SLC22A11: variants seen among roughly 807,000 people sequenced by gnomAD.
SLC22A11 encodes the protein organic anion transporter 4.
Under a neutral mutation model 49.4 loss-of-function variants are expected in SLC22A11, and 42 were observed. The ratio of observed to expected loss-of-function variants is 0.85; its 90% CI spans 0.66 to 1.10. The LOEUF (loss-of-function observed/expected upper bound fraction) is 1.10, where lower values mean the gene tolerates loss of function less well. Ranked by LOEUF, SLC22A11 falls within the 50% of genes least tolerant of loss-of-function variation. The pLI, the probability that SLC22A11 is intolerant of heterozygous loss-of-function variation, is 0.00. For missense variants in SLC22A11, 685 were observed against 731.6 expected (o/e 0.94, Z 0.74); for synonymous variants, 304 against 315.8 (o/e 0.96, Z 0.40).
At chr11:64,566,481 T>C (rs1324615234) in intron 6 of SLC22A11, 1 of 151,518 alleles carries the variant, frequency 6.6e-6, no homozygotes, top group African/African-American at 2.4e-5. Context: ...GACCAGTTTT[T>C]TTTTTTAAAA....
At chr11:64,569,552 T>C (rs1194375015) in intron 8 of SLC22A11, 100 bp from the exon 9 acceptor site, 2 of 1,291,260 alleles carry the variant, frequency 1.5e-6, no homozygotes, top group Non-Finnish European at 2.2e-6. Context: ...GGCAATTCCC[T>C]CAGCCCAGCT....
intron 1 of SLC22A11, 48 bp from the exon 2 acceptor site, chr11:64,559,087 T>G (rs907628875): frequency 8.5e-6 from 13 of 1,536,728 alleles, no homozygotes; most frequent in Non-Finnish European, 1.2e-5. Context: ...TGCCCAGCCC[T>G]GTGATTTCAT....
At chr11:64,569,507 G>C in intron 8 of SLC22A11, 145 bp from the exon 9 acceptor site, 1 of 788,564 alleles carries the variant, frequency 1.3e-6, no homozygotes, top group Non-Finnish European at 2.0e-6. Flanking sequence ...GGTGGGCTCC[G>C]TGGAGGAGGT....
chr11:64,562,285 C>T lies in SLC22A11; in HGVS notation c.671C>T (p.Thr224Ile). 1 of 1,606,094 alleles carries T rather than the reference C, an allele frequency of 6.2e-7. No homozygotes were observed. Among genetic ancestry groups the T allele is most frequent in the African/African-American group, 1.3e-5 (1 of 74,880 alleles). ...SLTLMVEWTT[T>I]SRRAVTMTVV... ...CCTTCAGTGGTGGAGTGGACCACGACCAGCAGGAGGGCGGTCACCATGACG... is the reference window on the plus strand; with the variant it reads ...CCTTCAGTGGTGGAGTGGACCACGATCAGCAGGAGGGCGGTCACCATGACG... Residue 224 changes from threonine to isoleucine, a missense_variant, in exon 4 of 10, where the codon ACC becomes ATC. Transcript: ENST00000301891. This position sits in a 1 kb window ranked among gnomAD's most constrained non-coding sequence, Gnocchi z 4.4.
chr11:64,569,561 C>G, intron 8 of SLC22A11, 91 bp from the exon 9 acceptor site: 1 of 1,381,474 alleles, frequency 7.2e-7, no homozygotes, highest in Non-Finnish European at 1.0e-6. Context: ...CTCAGCCCAG[C>G]TTTCCTTCCC....
chr11:64,567,281 G>C (rs2038637580), intron 6 of SLC22A11, among the ~76,000 whole-genome samples: 1 of 152,236 alleles, frequency 6.6e-6, no homozygotes, highest in Non-Finnish European at 1.5e-5. Flanking sequence ...CCGGAAGTGA[G>C]GGGCAGCTCA....
At chr11:64,561,509 C>T (rs995423689) in intron 2 of SLC22A11, among the ~76,000 whole-genome samples, 3 of 152,108 alleles carry the variant, frequency 2.0e-5, no homozygotes, top group East Asian at 1.9e-4. Flanking sequence ...AGTGCAGAGG[C>T]GTGATCATAC....
rs574045079 is a variant in SLC22A11 at position 64,567,754 on chromosome 11, A to T, written c.1214A>T (p.Gln405Leu). The T allele has an allele frequency of 3.1e-6, 5 of 1,612,950 alleles. No homozygotes were observed. In the Admixed American group the frequency reaches 8.3e-5, roughly 27 times the overall value. ...AGTTTCCTTGGCCGCCGCACCATCC[A>T]GGCGGGTTCCCAGGCCATGGCCGGC... Reference protein sequence around the residue: ...LLSFLGRRTIQAGSQAMAGLA... With the variant: ...LLSFLGRRTILAGSQAMAGLA... The change falls in exon 7 of 10, where the codon CAG (glutamine) becomes CTG (leucine). Residue 405 changes from glutamine (Q) to leucine (L), a missense_variant. By Grantham distance (113) the Gln-to-Leu change is moderately radical. Transcript: ENST00000301891.
chr11:64,562,019 G>C lies in SLC22A11; in HGVS notation c.513G>C (p.Pro171=). The C allele has an allele frequency of 1.2e-6, 2 of 1,613,076 alleles. No individual in the cohort carries two copies. Among genetic ancestry groups the C allele is most frequent in the Non-Finnish European group, 1.7e-6 (2 of 1,179,732 alleles). The change falls in exon 3 of 10, where the codon CCG becomes CCC. Residue 171 remains proline (P), a synonymous_variant. Transcript: ENST00000301891. This position sits in a 1 kb window ranked among gnomAD's most constrained non-coding sequence, Gnocchi z 4.4. ...GLLSYRFGRK[P]MLSWCCLQLA... ...CCTGTGACAGGTTTGGGAGGAAGCC[G>C]ATGCTGAGCTGGTGCTGCCTGCAGT...
chr11:64,556,954 A>G (rs948230412), intron 1 of SLC22A11, among the ~76,000 whole-genome samples: 9 of 152,214 alleles, frequency 5.9e-5, no homozygotes, highest in Non-Finnish European at 1.3e-4. Context: ...TTGGCCAAGC[A>G]AAGCATTCTG....
intron 8 of SLC22A11, 110 bp from the exon 9 acceptor site, chr11:64,569,542 G>A: frequency 1.7e-6 from 2 of 1,167,212 alleles, no homozygotes; most frequent in South Asian, 1.4e-5. Flanking sequence ...CCTTGAGGAG[G>A]GCAATTCCCT....
chr11:64,557,353 A>AG (rs1267521924), intron 1 of SLC22A11, among the ~76,000 whole-genome samples: 1 of 152,202 alleles, frequency 6.6e-6, no homozygotes, highest in African/African-American at 2.4e-5. Context: ...AGTCTGCATG[A>AG]GGGACAAAAG....
intron 1 of SLC22A11, among the ~76,000 whole-genome samples, chr11:64,557,627 C>CTTTTTT (rs766276214): frequency 2.1e-4 from 22 of 104,054 alleles, no homozygotes; most frequent in South Asian, 3.1e-4. Flanking sequence ...TTTTCTTTCT[C>CTTTTTT]TTTTTTTTTT....
chr11:64,568,217 C>A (rs1012002647), intron 7 of SLC22A11, among the ~76,000 whole-genome samples: 2 of 152,230 alleles, frequency 1.3e-5, no homozygotes, highest in Non-Finnish European at 2.9e-5. Flanking sequence ...CGGAGCAACG[C>A]GTTGGGGAGG....
intron 9 of SLC22A11, among the ~76,000 whole-genome samples, chr11:64,570,584 A>G (rs2135427917): frequency 6.6e-6 from 1 of 152,282 alleles, no homozygotes; most frequent in East Asian, 1.9e-4. Flanking sequence ...GGGCCGCCTC[A>G]ATTCTGATGG....
At position 64,568,653 on chromosome 11, in the gene SLC22A11, C is replaced by A. The variant is rs762704505; in HGVS notation, c.1274-17C>A. The A allele has an allele frequency of 5.5e-5, 89 of 1,610,538 alleles. No individual in the cohort carries two copies. The highest frequency in any genetic ancestry group is 6.9e-5 in the Non-Finnish European group (81 of 1,176,936). On this transcript the variant is annotated splice_polypyrimidine_tract_variant and intron_variant, in intron 7 of 9. Transcript: ENST00000301891. ...CCTCCAGGGCAAACCCCACTCTCAC[C>A]CCCTTCCTGTACCCAGATTTGCAGA...
rs377310092 is a variant in SLC22A11 at position 64,569,787 on chromosome 11, G to A, written c.1518G>A (p.Leu506=). The change falls in exon 9 of 10, where the codon CTG becomes CTA. Residue 506 remains leucine, a synonymous_variant. Transcript: ENST00000301891. Reference sequence around the variant, plus strand: ...GCGTTATCTCCATTGCTTCCAGCCTGGTTGTGCTGTTCTTCCTCCCGGAGA... The same window carrying A: ...GCGTTATCTCCATTGCTTCCAGCCTAGTTGTGCTGTTCTTCCTCCCGGAGA... ...LYGVISIASS[L]VVLFFLPETQ... The A allele has an allele frequency of 6.2e-7, 1 of 1,614,108 alleles. No individual in the cohort carries two copies. Among genetic ancestry groups the A allele is most frequent in the African/African-American group, 1.3e-5 (1 of 75,040 alleles).
chr11:64,558,689 T>C (rs1024240788), intron 1 of SLC22A11, among the ~76,000 whole-genome samples: 1 of 151,996 alleles, frequency 6.6e-6, no homozygotes, highest in Admixed American at 6.6e-5. Context: ...AAGCCTATGG[T>C]TTCACCCCTG....
In SLC22A11 at chr11:64,556,160, T is replaced by C. The variant is rs1424454154; in HGVS notation, c.161T>C (p.Leu54Pro). 5.0e-6 allele frequency: 8 copies of C among 1,614,220 alleles called. No individual in the cohort carries two copies. The highest frequency in any genetic ancestry group is 8.5e-7 in the Non-Finnish European group (1 of 1,180,036). The stretch of plus-strand genomic sequence containing the variant: ...GGCCACCGATGCTGGACACACATGC[T>C]GGACAATGGCTCTGCGGTTTCCACA... ...IPGHRCWTHM[L>P]DNGSAVSTNM... Residue 54 changes from leucine to proline, a missense_variant, in exon 1 of 10, where the codon CTG becomes CCG. Coordinates refer to ENST00000301891, the MANE Select transcript of SLC22A11 (RefSeq NM_018484.4).
Sources: gnomAD v4.1 joint callset for allele counts (sites outside exome capture counted in the v4.1 genomes callset) on GRCh38, gnomAD v4.1.1 for gene constraint, Gnocchi (gnomAD v3.1) non-coding constraint, MANE v1.5 for transcripts, NCBI Gene and HGNC (gene_info 2026-07-23, HGNC 2026-07-21) for gene names.